CUL9: variants seen among roughly 807,000 people sequenced by gnomAD.
The protein encoded by CUL9 is cullin 9, also known as cullin-9.
A neutral mutation model predicts 272.6 loss-of-function variants in CUL9; 79 were observed. That is an observed-to-expected ratio of 0.29 (90% CI 0.24 to 0.35). The LOEUF (loss-of-function observed/expected upper bound fraction) is 0.35, where lower values mean the gene tolerates loss of function less well. CUL9 is among the 10% of genes least tolerant of loss of function. The probability of loss-of-function intolerance (pLI) is 1.00; values close to 1 mark genes in which losing one functional copy is unlikely to be tolerated. For missense variants in CUL9, 2,532 were observed against 3,255.6 expected, an observed-to-expected ratio of 0.78 and a Z score of 5.41; for synonymous variants, 1,186 against 1,286.5, an observed-to-expected ratio of 0.92 and a Z score of 1.67.
At position 43,218,687 on chromosome 6, in the gene CUL9, G is replaced by A. The variant is rs1723230991; in HGVS notation, c.6283-1772G>A. Reference sequence around the variant, plus strand: ...AGGGTGGATTGGGACACATTTGGAAGTGGAGCTGACGGGAGTTGGTGGGTT... The same window carrying A: ...AGGGTGGATTGGGACACATTTGGAAATGGAGCTGACGGGAGTTGGTGGGTT... On this transcript the variant is annotated intron_variant, in intron 31 of 40. Coordinates refer to ENST00000252050, the MANE Select transcript of CUL9 (RefSeq NM_015089.4). This position sits in a 1 kb window ranked among gnomAD's most constrained non-coding sequence, Gnocchi z 4.4. 6.6e-6 allele frequency among the ~76,000 whole-genome samples: 1 copy of A among 152,218 alleles called. No individual in the cohort carries two copies. Among genetic ancestry groups the A allele is most frequent in the Non-Finnish European group, 1.5e-5 (1 of 68,036 alleles).
Position 43,193,149 on chromosome 6 carries a change from G to A in CUL9, c.2329G>A (p.Val777Met), listed in dbSNP as rs1346640341. 6.2e-7 allele frequency: 1 copy of A among 1,614,226 alleles called. No individual in the cohort carries two copies. Among genetic ancestry groups the A allele is most frequent in the Non-Finnish European group, 8.5e-7 (1 of 1,180,036 alleles). Residue 777 changes from valine to methionine, a missense_variant, in exon 9 of 41, where the codon GTG (valine) becomes ATG (methionine). Transcript: ENST00000252050. ...LFAREGGIYA[V>M]LVCMQEYKTS... is the part of the protein sequence containing the mutation. ...TGCCAGGGAGGGTGGCATCTATGCT[G>A]TGCTGGTCTGCATGCAAGAATATAA...
rs1158928621 is a variant in CUL9, at chr6:43,222,769, G to T, written c.7033-10G>T. 6.2e-7 allele frequency: 1 copy of T among 1,612,426 alleles called. No individual in the cohort carries two copies. The highest frequency in any genetic ancestry group is 8.5e-7 in the Non-Finnish European group (1 of 1,178,832). On this transcript the variant is annotated splice_polypyrimidine_tract_variant and intron_variant, in intron 37 of 40. Transcript: ENST00000252050. ...AGGGCAGGCGGGAGAGCTGATGGGA[G>T]CCCCTGCAGGTGCTGGCCTACGCCT...
In CUL9 at chr6:43,223,218, A is replaced by G. The variant is rs1275818458; in HGVS notation, c.7151-46A>G. 1.3e-6 allele frequency: 2 copies of G among 1,556,600 alleles called. No homozygotes were observed. The highest frequency in any genetic ancestry group is 4.7e-5 in the East Asian group (2 of 42,946). On this transcript the variant is annotated intron_variant, in intron 38 of 40. Coordinates refer to ENST00000252050, the MANE Select transcript of CUL9 (RefSeq NM_015089.4). This position sits in a 1 kb window ranked among gnomAD's most constrained non-coding sequence, Gnocchi z 4.1. ...AGGTGTTTGTTGGAGGAAGGAATGG[A>G]TGAGAATGAGAAGGGAGGGAGCCTC...
At chr6:43,187,619 G>A (rs1308846302) in intron 6 of CUL9, 94 bp from the exon 7 acceptor site, 9 of 1,421,060 alleles carry the variant, frequency 6.3e-6, no homozygotes, top group Non-Finnish European at 8.8e-6. Flanking sequence ...TAGAAGGTGT[G>A]GGGGCATGGT....
At chr6:43,188,416 C>A in intron 7 of CUL9, 107 bp from the exon 8 acceptor site, 1 of 1,120,212 alleles carries the variant, frequency 8.9e-7, no homozygotes, top group Non-Finnish European at 1.3e-6. Flanking sequence ...CTGCAGTAGC[C>A]GATAATGTGT....
chr6:43,220,381 C>T lies in CUL9; in HGVS notation c.6283-78C>T. On this transcript the variant is annotated intron_variant, in intron 31 of 40. Coordinates refer to ENST00000252050, the MANE Select transcript of CUL9 (RefSeq NM_015089.4). This position sits in a 1 kb window ranked among gnomAD's most constrained non-coding sequence, Gnocchi z 4.9. ...GTGGAGGGGAAGGGAAGGAGGGACGCTAGCTTAGTTACCAGGACACTCCCC... is the reference window on the plus strand; with the variant it reads ...GTGGAGGGGAAGGGAAGGAGGGACGTTAGCTTAGTTACCAGGACACTCCCC... 3 of 1,530,846 alleles carry T rather than the reference C, an allele frequency of 2.0e-6. No individual in the cohort carries two copies. The highest frequency in any genetic ancestry group is 2.7e-6 in the Non-Finnish European group (3 of 1,118,962). 94.8% of individuals were successfully genotyped at this position (1,530,846 alleles called of 1,614,324 possible).
chr6:43,190,114 A>G (rs899629785), intron 8 of CUL9, among the ~76,000 whole-genome samples: 7 of 152,070 alleles, frequency 4.6e-5, no homozygotes, highest in Non-Finnish European at 1.0e-4. Context: ...GGGACCCTGC[A>G]GTGTGGTTAT....
chr6:43,190,202 AATCT>A (rs1427451247), intron 8 of CUL9, among the ~76,000 whole-genome samples: 1 of 151,882 alleles, frequency 6.6e-6, no homozygotes, highest in Non-Finnish European at 1.5e-5. Context: ...CGTCTTTTTT[AATCT>A]ATCTAATTGG....
intron 22 of CUL9, 28 bp from the exon 23 acceptor site, chr6:43,204,905 T>G (rs780001632): frequency 6.2e-7 from 1 of 1,610,070 alleles, no homozygotes. Context: ...GCTGCTCCTT[T>G]TATGTCATTT....
intron 20 of CUL9, 141 bp downstream of exon 20, chr6:43,204,128 G>GCC: frequency 8.4e-7 from 1 of 1,188,060 alleles, no homozygotes; most frequent in Non-Finnish European, 1.2e-6. Flanking sequence ...TCTCCTTCCT[G>GCC]CCCCAGGCAC....
In CUL9 at chr6:43,184,976, A is replaced by G; in HGVS notation, c.595+71A>G. On this transcript the variant is annotated intron_variant, in intron 2 of 40. Transcript: ENST00000252050. The surrounding 1 kb of genome is among the most constrained non-coding windows in gnomAD (Gnocchi z 4.8). ...CCACAGGGAATAAGAAAGAGGAGAG[A>G]TTTCCTAGCTCTGTAAGAACACCTA... The G allele has an allele frequency of 1.7e-6, 2 of 1,191,406 alleles. No individual in the cohort carries two copies. Among genetic ancestry groups the G allele is most frequent in the Non-Finnish European group, 2.3e-6 (2 of 862,818 alleles). 73.8% of individuals were successfully genotyped at this position (1,191,406 alleles called of 1,614,324 possible).
chr6:43,220,564 C>G lies in CUL9; in HGVS notation c.6388C>G (p.Arg2130Gly). The G allele has an allele frequency of 6.2e-7, 1 of 1,614,150 alleles. No individual in the cohort carries two copies. The highest frequency in any genetic ancestry group is 8.5e-7 in the Non-Finnish European group (1 of 1,180,022). Residue 2130 changes from arginine (R) to glycine (G), a missense_variant, in exon 32 of 41, where the codon CGT (arginine) becomes GGT (glycine). Physicochemically the swap from Arg to Gly is moderately radical, Grantham distance 125. Coordinates refer to ENST00000252050, the MANE Select transcript of CUL9 (RefSeq NM_015089.4). This position sits in a 1 kb window ranked among gnomAD's most constrained non-coding sequence, Gnocchi z 4.9. Reference sequence around the variant, plus strand: ...CGCCCAGCCCACCGGAGCCTTCATTCGTGCCATCGTCTCCTCGCCAGAGGT... The same window carrying G: ...CGCCCAGCCCACCGGAGCCTTCATTGGTGCCATCGTCTCCTCGCCAGAGGT... The part of the protein sequence containing the change: ...CPAQPTGAFI[R>G]AIVSSPEVIS...
rs377037036 is a variant in CUL9 at position 43,197,717 on chromosome 6, C to T, written c.2803+855C>T. Among the ~76,000 whole-genome samples, 5 of 151,398 alleles carry T rather than the reference C, an allele frequency of 3.3e-5. No individual in the cohort carries two copies. In the South Asian group the frequency reaches 8.4e-4, roughly 25 times the overall value. ...CAGGCCGGTTTTGAACTCCTGACCT[C>T]GTGATCTGACCGCCTTGGCCTCCCA... On this transcript the variant is annotated intron_variant, in intron 11 of 40. Coordinates refer to ENST00000252050, the MANE Select transcript of CUL9 (RefSeq NM_015089.4).
chr6:43,191,731 T>C (rs1284933035), intron 8 of CUL9, among the ~76,000 whole-genome samples: 1 of 151,694 alleles, frequency 6.6e-6, no homozygotes, highest in Non-Finnish European at 1.5e-5. Context: ...ATTACAGGCC[T>C]GCACCACCAC....
At chr6:43,201,666 A>G (rs999071618) in intron 16 of CUL9, among the ~76,000 whole-genome samples, 1 of 152,090 alleles carries the variant, frequency 6.6e-6, no homozygotes, top group Non-Finnish European at 1.5e-5. Context: ...TTTTTAGTAG[A>G]GACGGGGTTT....
Position 43,186,971 on chromosome 6 carries a change from G to A in CUL9, c.1263G>A (p.Gln421=), listed in dbSNP as rs1353633107. 1.9e-6 allele frequency: 3 copies of A among 1,613,898 alleles called. No homozygotes were observed. The highest frequency in any genetic ancestry group is 2.5e-6 in the Non-Finnish European group (3 of 1,179,932). The part of the protein sequence containing the change: ...NGIPPVQVFW[Q]STGRTYWVHW... ...CTCCCTCATACCAGGTTTTCTGGCAGTCGACAGGCCGCACTTACTGGGTGC... is the reference window on the plus strand; with the variant it reads ...CTCCCTCATACCAGGTTTTCTGGCAATCGACAGGCCGCACTTACTGGGTGC... Residue 421 remains glutamine (Q), a synonymous_variant, in exon 5 of 41, where the codon CAG becomes CAA. Transcript: ENST00000252050.
intron 1 of CUL9, among the ~76,000 whole-genome samples, chr6:43,183,692 CCCTTCCTTCCTTTCTTCCTTCCTT>C (rs1562007042): frequency 2.0e-5 from 3 of 149,556 alleles, no homozygotes; most frequent in South Asian, 2.1e-4. Context: ...TTGTAAACTC[CCCTTCCTTCCTTTCTTCCTTCCTT>C]CCTTCCTTCC....
In CUL9 at chr6:43,206,424, C is replaced by T. The variant is rs757140976; in HGVS notation, c.5126C>T (p.Pro1709Leu). 8 of 1,614,220 alleles carry T rather than the reference C, an allele frequency of 5.0e-6. 1 individual carries two copies. The South Asian group carries it at 7.7e-5, about 16-fold the overall frequency. ...VLSPRCWPVSPLCYLYHPRKC... is the reference protein window; with the variant it reads ...VLSPRCWPVSLLCYLYHPRKC... ...TCACCACGCTGCTGGCCCGTCTCCC[C>T]ACTCTGCTACCTGTACCATCCCAGA... Residue 1709 changes from proline (P) to leucine (L), a missense_variant, in exon 26 of 41, where the codon CCA (proline) becomes CTA (leucine). Pro to Leu is a moderately conservative substitution (Grantham distance 98). Coordinates refer to ENST00000252050, the MANE Select transcript of CUL9 (RefSeq NM_015089.4). This position sits in a 1 kb window ranked among gnomAD's most constrained non-coding sequence, Gnocchi z 4.8.
Position 43,184,402 on chromosome 6 carries a change from G to A in CUL9, c.92G>A (p.Gly31Glu). 1 of 1,613,456 alleles carries A rather than the reference G, an allele frequency of 6.2e-7. No individual in the cohort carries two copies. The highest frequency in any genetic ancestry group is 2.2e-5 in the East Asian group (1 of 44,854). ...YPEELIRQRP[G>E]HDGHPEYLIR... ...GAAGAACTCATTCGACAGAGGCCTG[G>A]GCATGACGGGCATCCTGAATACCTG... is the stretch of plus-strand genomic sequence containing the variant. Residue 31 changes from glycine (G) to glutamate (E), a missense_variant, in exon 2 of 41, where the codon GGG (glycine) becomes GAG (glutamate). Transcript: ENST00000252050. The surrounding 1 kb of genome is among the most constrained non-coding windows in gnomAD (Gnocchi z 4.8).
Sources: gnomAD v4.1 joint callset for allele counts (sites outside exome capture counted in the v4.1 genomes callset) on GRCh38, gnomAD v4.1.1 for gene constraint, Gnocchi (gnomAD v3.1) non-coding constraint, MANE v1.5 for transcripts, NCBI Gene and HGNC (gene_info 2026-07-23, HGNC 2026-07-21) for gene names.